The following LYZL1 variants were observed in gnomAD, a reference collection of about 807,000 sequenced individuals.
The protein encoded by LYZL1 is lysozyme-like protein 1.
A neutral mutation model predicts 17.9 loss-of-function variants in LYZL1; 16 were observed. That is an observed-to-expected ratio of 0.90 (90% confidence interval 0.61 to 1.36). The LOEUF is 1.36. Among genes scored for constraint, LYZL1 ranks in the 40% most tolerant of loss-of-function variants. The pLI, the probability that LYZL1 is intolerant of heterozygous loss-of-function variation, is 0.00. For missense variants in LYZL1, 149 were observed against 188.4 expected (o/e 0.79, Z 1.22); for synonymous variants, 58 against 71.8 (o/e 0.81, Z 0.97).
At chr10:29,313,868 C>A (rs935347984), downstream of LYZL1, among the ~76,000 whole-genome samples, 3 of 152,218 alleles carry the variant, frequency 2.0e-5, no homozygotes, top group Non-Finnish European at 4.4e-5. Flanking sequence ...ATACACTGAG[C>A]AGACCATTGG....
At chr10:29,292,275 G>T (rs1311284851) in intron 2 of LYZL1, among the ~76,000 whole-genome samples, 2 of 151,094 alleles carry the variant, frequency 1.3e-5, no homozygotes, top group Non-Finnish European at 3.0e-5. Context: ...TGTGGGGAGT[G>T]GGGGGACCTG....
At chr10:29,303,585 C>A (rs1262563035) in intron 3 of LYZL1, among the ~76,000 whole-genome samples, 1 of 152,192 alleles carries the variant, frequency 6.6e-6, no homozygotes, top group Non-Finnish European at 1.5e-5. Context: ...ATCTGCAAGA[C>A]AATCTTAGAT....
intron 3 of LYZL1, among the ~76,000 whole-genome samples, chr10:29,299,176 T>C (rs1386789774): frequency 3.9e-5 from 6 of 152,190 alleles, no homozygotes; most frequent in Non-Finnish European, 8.8e-5. Context: ...CAGGTGGTAA[T>C]GCAACCAATG....
chr10:29,296,577 A>G (rs997562543), intron 3 of LYZL1, among the ~76,000 whole-genome samples: 2 of 152,232 alleles, frequency 1.3e-5, no homozygotes, highest in African/African-American at 2.4e-5. Context: ...CTCTCAACTG[A>G]GACCTCAACA....
chr10:29,312,090 A>G (rs2132839843), downstream of LYZL1, among the ~76,000 whole-genome samples: 1 of 152,326 alleles, frequency 6.6e-6, no homozygotes, highest in Non-Finnish European at 1.5e-5. Context: ...GTTTAAGGCC[A>G]GGAGTTCAAG....
intron 3 of LYZL1, among the ~76,000 whole-genome samples, chr10:29,298,340 A>G (rs1835472468): frequency 6.6e-6 from 1 of 152,146 alleles, no homozygotes; most frequent in Non-Finnish European, 1.5e-5. Flanking sequence ...GTGCTGAGTG[A>G]CCTGACAGAA....
At chr10:29,312,773 A>G (rs1835688515), downstream of LYZL1, among the ~76,000 whole-genome samples, 1 of 152,042 alleles carries the variant, frequency 6.6e-6, no homozygotes, top group South Asian at 2.1e-4. Flanking sequence ...TCTCTTGCCC[A>G]TTATCAATCC....
intron 3 of LYZL1, 84 bp from the exon 4 acceptor site, chr10:29,310,026 T>G: frequency 3.2e-6 from 3 of 932,256 alleles, no homozygotes; most frequent in Non-Finnish European, 4.9e-6. Flanking sequence ...CCAAAAAGAC[T>G]GAGAAAAGTG....
chr10:29,292,836 C>T (rs960621746), intron 3 of LYZL1, among the ~76,000 whole-genome samples, 159 bp downstream of exon 3: 1 of 152,232 alleles, frequency 6.6e-6, no homozygotes, highest in Non-Finnish European at 1.5e-5. Context: ...TCCAAGGTGA[C>T]ACTCAGGATC....
intron 3 of LYZL1, 134 bp from the exon 4 acceptor site, chr10:29,309,976 G>GAT: frequency 1.6e-6 from 1 of 614,072 alleles, no homozygotes; most frequent in Non-Finnish European, 2.8e-6. Flanking sequence ...TAAGATTGTG[G>GAT]CTTTGCAGGC....
intron 1 of LYZL1, among the ~76,000 whole-genome samples, chr10:29,290,975 A>G (rs1169198861): frequency 6.6e-6 from 1 of 152,212 alleles, no homozygotes; most frequent in Non-Finnish European, 1.5e-5. Context: ...AATAACCCTT[A>G]AAGTTTTCCA....
At chr10:29,296,778 C>T (rs1223435563) in intron 3 of LYZL1, among the ~76,000 whole-genome samples, 3 of 152,124 alleles carry the variant, frequency 2.0e-5, no homozygotes, top group Non-Finnish European at 4.4e-5. Context: ...TGGGACTCCC[C>T]AGTGAACAAG....
downstream of LYZL1, among the ~76,000 whole-genome samples, chr10:29,314,433 G>A (rs927198058): frequency 1.3e-5 from 2 of 152,194 alleles, no homozygotes; most frequent in African/African-American, 4.8e-5. Context: ...GGGCAACACA[G>A]TGAGACCCCA....
intron 3 of LYZL1, among the ~76,000 whole-genome samples, chr10:29,307,458 C>A (rs559143180): frequency 4.6e-5 from 7 of 152,194 alleles, no homozygotes; most frequent in Non-Finnish European, 8.8e-5. Flanking sequence ...TTTTCCATGA[C>A]TGAATAATAT....
At chr10:29,291,641 T>C (rs1414848654) in intron 1 of LYZL1, among the ~76,000 whole-genome samples, 3 of 152,050 alleles carry the variant, frequency 2.0e-5, no homozygotes, top group African/African-American at 7.2e-5. Context: ...GACTTGAAAG[T>C]TACTGTATGG....
downstream of LYZL1, among the ~76,000 whole-genome samples, chr10:29,313,708 G>A (rs1835698642): frequency 6.6e-6 from 1 of 152,142 alleles, no homozygotes; most frequent in South Asian, 2.1e-4. Flanking sequence ...AATTCAAGAG[G>A]ACATGAATAC....
chr10:29,310,968 C>T (rs1462824372), intron 4 of LYZL1, 22 bp from the exon 5 acceptor site: 3 of 1,614,082 alleles, frequency 1.9e-6, no homozygotes, highest in Non-Finnish European at 2.5e-6. Context: ...TTCTGCTGCT[C>T]CTGCTTCCCT....
At chr10:29,306,839 TGAGAGA>T (rs146929957) in intron 3 of LYZL1, among the ~76,000 whole-genome samples, 34,489 of 138,628 alleles carry the variant, frequency 0.25, 3,773 homozygotes, top group South Asian at 0.35. Context: ...TGAAAGAGAT[TGAGAGA>T]GAGAGAGAGA....
chr10:29,301,911 CTT>C (rs79660669), intron 3 of LYZL1, among the ~76,000 whole-genome samples: 7 of 149,248 alleles, frequency 4.7e-5, no homozygotes, highest in Non-Finnish European at 9.0e-5. Flanking sequence ...TCCACTGTTA[CTT>C]TTTTTTTTAA....
Sources: allele counts gnomAD v4.1 joint callset (sites outside exome capture counted in the v4.1 genomes callset), GRCh38; gene constraint gnomAD v4.1.1; transcripts MANE v1.5; gene names NCBI Gene and HGNC (gene_info 2026-07-23, HGNC 2026-07-21).